Variants in GAS7 observed in about 807,000 individuals in gnomAD.
The protein encoded by GAS7 is growth arrest-specific protein 7.
In GAS7, 28 loss-of-function variants were observed where a neutral mutation model predicts 71.1. That is an observed-to-expected ratio of 0.39 (90% CI 0.29 to 0.54). GAS7 has a LOEUF of 0.54. GAS7 is among the 20% of genes least tolerant of loss of function. The pLI, the probability that GAS7 is intolerant of heterozygous loss-of-function variation, is 0.62. For missense variants in GAS7, 436 were observed against 627.8 expected, an observed-to-expected ratio of 0.69 and a Z score of 3.27; for synonymous variants, 258 against 245.8, an observed-to-expected ratio of 1.05 and a Z score of -0.46.
rs775800279 is a variant in GAS7 at position 9,934,270 on chromosome 17, AG to A, written c.807-27del. On this transcript the variant is annotated intron_variant, in intron 8 of 13. Coordinates refer to ENST00000432992, the MANE Select transcript of GAS7 (RefSeq NM_201433.2). ...CTGCAACACAAAGACCATGAGACTC[AG>A]GTCACAAGCCAAAGCCCTTCCTGAG... 12 of 1,518,418 alleles carry A rather than the reference AG, an allele frequency of 7.9e-6. No individual in the cohort carries two copies. The Admixed American group carries it at 2.1e-4, about 26-fold the overall frequency. The allele number at this position is 1,518,418 out of a possible 1,614,324, so 94.1% of individuals were successfully genotyped here.
chr17:10,152,790 A>T (rs1345701304), intron 1 of GAS7, among the ~76,000 whole-genome samples: 1 of 152,190 alleles, frequency 6.6e-6, no homozygotes, highest in Non-Finnish European at 1.5e-5. Flanking sequence ...AGAGCTGAAG[A>T]TGAGCAAGAG....
intron 1 of GAS7, among the ~76,000 whole-genome samples, chr17:10,132,659 T>C (rs2074005990): frequency 6.6e-6 from 1 of 151,970 alleles, no homozygotes; most frequent in Admixed American, 6.6e-5. Context: ...TCCTAGCTGC[T>C]TGGGAGGCTG....
chr17:10,063,265 CGT>C (rs57484545), intron 1 of GAS7, among the ~76,000 whole-genome samples: 2,383 of 152,326 alleles, frequency 0.016, 69 homozygotes, highest in African/African-American at 0.053. Context: ...GCACCTGGCA[CGT>C]GTGTGTGCGC....
chr17:10,005,899 C>T (rs1334137131), intron 2 of GAS7, among the ~76,000 whole-genome samples: 1 of 152,148 alleles, frequency 6.6e-6, no homozygotes, highest in Non-Finnish European at 1.5e-5. Flanking sequence ...GAGTTCAAAT[C>T]AAGCAAAAGT....
intron 11 of GAS7, among the ~76,000 whole-genome samples, chr17:9,922,720 C>T (rs2067862740): frequency 6.6e-6 from 1 of 152,264 alleles, no homozygotes; most frequent in Admixed American, 6.5e-5. Flanking sequence ...TGCTTGTAAA[C>T]ATATAAAGAT....
At chr17:10,180,425 T>C (rs2074405897) in intron 1 of GAS7, among the ~76,000 whole-genome samples, 3 of 151,814 alleles carry the variant, frequency 2.0e-5, no homozygotes, top group African/African-American at 7.3e-5. Context: ...AACCCAGGTC[T>C]GATCAGCTCT....
intron 2 of GAS7, among the ~76,000 whole-genome samples, chr17:9,985,009 T>TC (rs1157655954): frequency 8.1e-6 from 1 of 123,492 alleles, no homozygotes; most frequent in African/African-American, 4.2e-5. Context: ...CTCCACCCTC[T>TC]CCTCCGAGTC....
At chr17:10,170,836 T>C (rs889376240) in intron 1 of GAS7, among the ~76,000 whole-genome samples, 3 of 152,238 alleles carry the variant, frequency 2.0e-5, no homozygotes, top group African/African-American at 7.2e-5. Context: ...TTACATCTTC[T>C]GCCCAGCAGC....
chr17:10,142,751 T>C (rs1597816419), intron 1 of GAS7, among the ~76,000 whole-genome samples: 2 of 152,286 alleles, frequency 1.3e-5, no homozygotes, highest in East Asian at 3.9e-4. Flanking sequence ...CCAATATATT[T>C]CAAACTTAGA....
intron 2 of GAS7, among the ~76,000 whole-genome samples, chr17:9,999,176 T>C (rs2152159364): frequency 6.6e-6 from 1 of 152,298 alleles, no homozygotes; most frequent in African/African-American, 2.4e-5. Context: ...GCATAACTAA[T>C]CTGTATATAG....
At chr17:10,164,287 C>T (rs996574736) in intron 1 of GAS7, among the ~76,000 whole-genome samples, 1 of 151,738 alleles carries the variant, frequency 6.6e-6, no homozygotes. Context: ...ACTAAAAATA[C>T]AAAAATTAGC....
At chr17:10,129,167 A>C (rs1385195757) in intron 1 of GAS7, among the ~76,000 whole-genome samples, 2 of 152,168 alleles carry the variant, frequency 1.3e-5, no homozygotes, top group Non-Finnish European at 2.9e-5. Context: ...AAAAGAATGA[A>C]GCTGGACTCC....
chr17:9,928,328 T>C (rs912160422), intron 9 of GAS7, among the ~76,000 whole-genome samples: 2 of 151,694 alleles, frequency 1.3e-5, no homozygotes, highest in African/African-American at 4.8e-5. Context: ...TTCACCGTGT[T>C]AGTCAGGATG....
In GAS7 at chr17:9,939,899, G is replaced by A. The variant is rs75455559; in HGVS notation, c.806+227C>T. Among the ~76,000 whole-genome samples the A allele has an allele frequency of 0.098, 14,958 of 152,126 alleles. 1,017 individuals are homozygous for A. The highest frequency in any genetic ancestry group is 0.15 in the Non-Finnish European group (9,967 of 67,972). ...CTGGGATAATGGGTGTGAGCCACCCGCCCGGCTGGAAGTGCCCTTTTGAGT... is the reference window on the plus strand; with the variant it reads ...CTGGGATAATGGGTGTGAGCCACCCACCCGGCTGGAAGTGCCCTTTTGAGT... On this transcript the variant is annotated intron_variant, in intron 8 of 13. Coordinates refer to ENST00000432992, the MANE Select transcript of GAS7 (RefSeq NM_201433.2).
At chr17:10,098,081 C>T (rs986503648) in intron 1 of GAS7, among the ~76,000 whole-genome samples, 16 of 151,816 alleles carry the variant, frequency 1.1e-4, no homozygotes, top group African/African-American at 3.9e-4. Flanking sequence ...GACTCGCCTC[C>T]TTGTGCCCAA....
chr17:9,997,270 G>C (rs2071087661), intron 2 of GAS7, among the ~76,000 whole-genome samples: 1 of 151,772 alleles, frequency 6.6e-6, no homozygotes, highest in Non-Finnish European at 1.5e-5. Flanking sequence ...GGTGGAAACA[G>C]TCCATAAGAC....
At chr17:9,965,004 G>C (rs2069648253) in intron 4 of GAS7, among the ~76,000 whole-genome samples, 1 of 152,088 alleles carries the variant, frequency 6.6e-6, no homozygotes, top group African/African-American at 2.4e-5. Context: ...GTCTTCCTGG[G>C]AAGTTCGTGA....
chr17:10,132,708 C>A (rs992144844), intron 1 of GAS7, among the ~76,000 whole-genome samples: 3 of 152,000 alleles, frequency 2.0e-5, no homozygotes, highest in Non-Finnish European at 2.9e-5. Context: ...GCGGAGGGTG[C>A]AGTGAGCCAA....
chr17:9,982,394 T>A (rs2070444052), intron 2 of GAS7, among the ~76,000 whole-genome samples: 1 of 152,146 alleles, frequency 6.6e-6, no homozygotes, highest in African/African-American at 2.4e-5. Context: ...TCTTCCTGAT[T>A]TCGCAGTTCT....
Sources: gnomAD v4.1 joint callset for allele counts (sites outside exome capture counted in the v4.1 genomes callset) on GRCh38, gnomAD v4.1.1 for gene constraint, MANE v1.5 for transcripts, NCBI Gene and HGNC (gene_info 2026-07-23, HGNC 2026-07-21) for gene names.